The following FSTL5 variants were observed in gnomAD, a reference collection of about 807,000 sequenced individuals.
The protein encoded by FSTL5 is follistatin-related protein 5.
In FSTL5, 62 loss-of-function variants were observed where a neutral mutation model predicts 89.1. That is an observed-to-expected ratio of 0.70 (90% CI 0.57 to 0.86). The LOEUF (loss-of-function observed/expected upper bound fraction) is 0.86, where lower values mean the gene tolerates loss of function less well. FSTL5 is among the 40% of genes least tolerant of loss of function. The pLI is 0.00. For synonymous variants in FSTL5, 383 were observed against 346.2 expected (o/e 1.11, Z -1.18); for missense variants, 1,057 against 1,001.6 (o/e 1.06, Z -0.75).
chr4:161,894,585 G>A (rs1026245504), intron 4 of FSTL5, among the ~76,000 whole-genome samples: 1 of 152,156 alleles, frequency 6.6e-6, no homozygotes, highest in Non-Finnish European at 1.5e-5. Context: ...AGGTTCAAGC[G>A]ATTCTGCTTC....
In FSTL5 at chr4:161,947,946, T is replaced by C. The variant is rs149174421; in HGVS notation, c.161-27294A>G. Among the ~76,000 whole-genome samples the C allele has an allele frequency of 1.1e-3, 172 of 152,224 alleles. 2 individuals are homozygous for C. In the Middle Eastern group the frequency reaches 0.014, roughly 12 times the overall value. On this transcript the variant is annotated intron_variant, in intron 3 of 15. Coordinates refer to ENST00000306100, the MANE Select transcript of FSTL5 (RefSeq NM_020116.5). ...TAGGTATTTGATGTTAAAGCCATTT[T>C]AAATGTTATTTTACCTTATTTTATT...
intron 15 of FSTL5, among the ~76,000 whole-genome samples, chr4:161,432,039 A>G (rs1317856872): frequency 6.6e-6 from 1 of 152,176 alleles, no homozygotes; most frequent in Non-Finnish European, 1.5e-5. Context: ...TGCTTTCAGC[A>G]TTGGACAGAT....
chr4:161,564,368 T>C (rs1446853459), intron 8 of FSTL5, among the ~76,000 whole-genome samples: 1 of 151,124 alleles, frequency 6.6e-6, no homozygotes, highest in South Asian at 2.1e-4. Context: ...CCTATATATA[T>C]ATATAAAAGT....
chr4:161,634,152 C>G (rs925440718), intron 7 of FSTL5, among the ~76,000 whole-genome samples: 8 of 152,228 alleles, frequency 5.3e-5, no homozygotes, highest in Admixed American at 5.2e-4. Context: ...TCCAATATGA[C>G]TTTGAAAGCT....
chr4:161,667,042 T>G (rs186866475), intron 6 of FSTL5, among the ~76,000 whole-genome samples: 1 of 152,096 alleles, frequency 6.6e-6, no homozygotes, highest in Non-Finnish European at 1.5e-5. Flanking sequence ...GACAGTACAA[T>G]ACTACAGACA....
chr4:161,903,954 C>T (rs1486315096), intron 4 of FSTL5, among the ~76,000 whole-genome samples: 1 of 151,342 alleles, frequency 6.6e-6, no homozygotes, highest in Non-Finnish European at 1.5e-5. Flanking sequence ...ATAAAAGTGA[C>T]ATAAACTACA....
At chr4:161,527,265 A>T (rs1304614099) in intron 10 of FSTL5, among the ~76,000 whole-genome samples, 1 of 152,174 alleles carries the variant, frequency 6.6e-6, no homozygotes, top group Non-Finnish European at 1.5e-5. Context: ...GTGTATAAGA[A>T]TGCTTGTGAA....
At chr4:161,542,509 A>G in intron 9 of FSTL5, 23 bp downstream of exon 9, 1 of 1,327,724 alleles carries the variant, frequency 7.5e-7, no homozygotes, top group Non-Finnish European at 9.8e-7. Context: ...CATTTAAGAG[A>G]AAAAAAAGCA....
intron 7 of FSTL5, among the ~76,000 whole-genome samples, chr4:161,597,371 T>C (rs1440037693): frequency 6.7e-6 from 1 of 148,410 alleles, no homozygotes; most frequent in African/African-American, 2.5e-5. Flanking sequence ...CAGCAAACTA[T>C]CCCAAGGACA....
intron 6 of FSTL5, among the ~76,000 whole-genome samples, chr4:161,737,368 G>A (rs1232575354): frequency 6.6e-6 from 1 of 151,948 alleles, no homozygotes; most frequent in Non-Finnish European, 1.5e-5. Context: ...AGCTGAAAAG[G>A]AAATTTGATC....
At chr4:161,611,316 T>A (rs1296712266) in intron 7 of FSTL5, among the ~76,000 whole-genome samples, 1 of 148,782 alleles carries the variant, frequency 6.7e-6, no homozygotes, top group Non-Finnish European at 1.5e-5. Context: ...TAAAGGACTG[T>A]TTTTGCCTGC....
intron 15 of FSTL5, among the ~76,000 whole-genome samples, chr4:161,449,917 T>C (rs1283764559): frequency 1.3e-5 from 2 of 152,172 alleles, no homozygotes; most frequent in African/African-American, 4.8e-5. Flanking sequence ...TCGTGCTACG[T>C]CAAAAGCTCT....
chr4:161,761,941 A>C (rs563194267), intron 5 of FSTL5, among the ~76,000 whole-genome samples: 2 of 152,220 alleles, frequency 1.3e-5, no homozygotes, highest in East Asian at 3.9e-4. Flanking sequence ...TCTCTCCTTC[A>C]TGTGTCCTGA....
chr4:161,985,686 T>C (rs1735945123), intron 3 of FSTL5, among the ~76,000 whole-genome samples: 1 of 151,838 alleles, frequency 6.6e-6, no homozygotes, highest in South Asian at 2.1e-4. Flanking sequence ...CATATACTTA[T>C]ATGTGAACAC....
At chr4:161,707,420 A>C (rs989526044) in intron 6 of FSTL5, among the ~76,000 whole-genome samples, 1 of 151,912 alleles carries the variant, frequency 6.6e-6, no homozygotes. Context: ...AATATGCTGC[A>C]AAGAGAAAGT....
intron 15 of FSTL5, among the ~76,000 whole-genome samples, chr4:161,399,987 ATT>A (rs1731130944): frequency 6.6e-6 from 1 of 152,150 alleles, no homozygotes; most frequent in African/African-American, 2.4e-5. Flanking sequence ...CTTATAATAG[ATT>A]TGTTTATAAT....
intron 4 of FSTL5, among the ~76,000 whole-genome samples, chr4:161,808,218 G>C (rs185892150): frequency 2.7e-3 from 414 of 152,174 alleles, no homozygotes; most frequent in Non-Finnish European, 3.7e-3. Flanking sequence ...TTGAGTGATA[G>C]ATGGCCAATG....
rs202075817 is a variant in FSTL5 at position 161,486,610 on chromosome 4, CTTG to C, written c.1459-5444_1459-5442del. Among the ~76,000 whole-genome samples the C allele has an allele frequency of 3.1e-3, 475 of 152,266 alleles. 5 individuals carry two copies. The highest frequency in any genetic ancestry group is 0.028 in the Admixed American group (430 of 15,290). ...AAGACAGGCAGAGAGTCCCTACCCA[CTTG>C]TTGTAACTGAAAATTGAATTGGGAT... On this transcript the variant is annotated intron_variant, in intron 12 of 15. Coordinates refer to ENST00000306100, the MANE Select transcript of FSTL5 (RefSeq NM_020116.5).
At chr4:161,618,837 T>C (rs936170774) in intron 7 of FSTL5, among the ~76,000 whole-genome samples, 5 of 152,188 alleles carry the variant, frequency 3.3e-5, no homozygotes, top group Non-Finnish European at 7.3e-5. Context: ...TGGAAAAAAC[T>C]ACTTTAAAGT....
Sources: gnomAD v4.1 joint callset for allele counts (sites outside exome capture counted in the v4.1 genomes callset) on GRCh38, gnomAD v4.1.1 for gene constraint, MANE v1.5 for transcripts, NCBI Gene and HGNC (gene_info 2026-07-23, HGNC 2026-07-21) for gene names.